Variants in DCC observed in about 807,000 individuals in gnomAD.
DCC encodes DCC netrin 1 receptor.
In DCC, 58 loss-of-function variants were observed where a neutral mutation model predicts 172.5. The observed-to-expected ratio is 0.34, with a 90% CI of 0.27 to 0.42. The LOEUF is 0.42. Ranked by LOEUF, DCC falls within the 10% of genes least tolerant of loss-of-function variation. The pLI, the probability that DCC is intolerant of heterozygous loss-of-function variation, is 1.00. For synonymous variants in DCC, 709 were observed against 644.5 expected, an observed-to-expected ratio of 1.10 and a Z score of -1.52; for missense variants, 1,740 against 1,791.0, an observed-to-expected ratio of 0.97 and a Z score of 0.51.
chr18:53,460,448 C>T (rs1363614077), intron 24 of DCC, among the ~76,000 whole-genome samples: 2 of 98,810 alleles, frequency 2.0e-5, no homozygotes, highest in Non-Finnish European at 3.8e-5. Context: ...CACCCCACAA[C>T]AGTCCCCAGA....
At position 53,145,105 on chromosome 18, in the gene DCC, C is replaced by CTTTTTTT. The variant is rs57501246; in HGVS notation, c.1262-12230_1262-12224dup. On this transcript the variant is annotated intron_variant, in intron 7 of 28. Coordinates refer to ENST00000442544, the MANE Select transcript of DCC (RefSeq NM_005215.4). ...AGGTGATTAAGCTGTGAGGGCTCTG[C>CTTTTTTT]TTTTTTTTTTTTTTTTTTTTTTTTT... 4.6e-4 allele frequency among the ~76,000 whole-genome samples: 17 copies of CTTTTTTT among 36,924 alleles called. 6 individuals carry two copies. Among genetic ancestry groups the CTTTTTTT allele is most frequent in the East Asian group, 2.3e-3 (2 of 868 alleles). The allele number at this position is 36,924 out of a possible 152,430, so 24.2% of individuals were successfully genotyped here.
chr18:53,091,413 T>TAC (rs888199178), intron 7 of DCC, among the ~76,000 whole-genome samples: 45 of 148,748 alleles, frequency 3.0e-4, no homozygotes, highest in African/African-American at 8.8e-4. Context: ...TATGTATATA[T>TAC]ACACACACAC....
intron 1 of DCC, among the ~76,000 whole-genome samples, chr18:52,455,809 G>C (rs566288301): frequency 2.0e-5 from 3 of 152,284 alleles, no homozygotes; most frequent in Admixed American, 1.3e-4. Context: ...AACAGTGCTT[G>C]GTGCATGGTA....
intron 2 of DCC, among the ~76,000 whole-genome samples, chr18:52,900,718 T>G (rs1022903687): frequency 6.6e-6 from 1 of 152,204 alleles, no homozygotes; most frequent in Non-Finnish European, 1.5e-5. Flanking sequence ...ATACAGATAA[T>G]GTGGAAATCT....
At chr18:53,478,934 C>T (rs1392197263) in intron 25 of DCC, among the ~76,000 whole-genome samples, 1 of 152,198 alleles carries the variant, frequency 6.6e-6, no homozygotes, top group East Asian at 1.9e-4. Flanking sequence ...CCCTTTGACT[C>T]ATGCATATAA....
chr18:52,612,378 G>A (rs570436406), intron 1 of DCC, among the ~76,000 whole-genome samples: 1 of 151,734 alleles, frequency 6.6e-6, no homozygotes, highest in Admixed American at 6.6e-5. Flanking sequence ...TTATCATTTT[G>A]TGGTCATCAC....
At chr18:53,234,381 T>C (rs1410575500) in intron 12 of DCC, among the ~76,000 whole-genome samples, 2 of 152,100 alleles carry the variant, frequency 1.3e-5, no homozygotes, top group Non-Finnish European at 2.9e-5. Context: ...GTGCGTAAGA[T>C]CACACCACTG....
intron 3 of DCC, among the ~76,000 whole-genome samples, chr18:52,920,613 G>A (rs1444033703): frequency 2.0e-5 from 3 of 152,058 alleles, no homozygotes; most frequent in South Asian, 2.1e-4. Context: ...CCACTTCAGA[G>A]GACAGTTTGG....
At chr18:53,373,537 G>A (rs201605712) in intron 15 of DCC, among the ~76,000 whole-genome samples, 2 of 152,162 alleles carry the variant, frequency 1.3e-5, no homozygotes, top group Middle Eastern at 3.4e-3. Context: ...TTCTTTACCA[G>A]TTGTTTATTT....
At chr18:52,629,886 C>T (rs2144877341) in intron 1 of DCC, among the ~76,000 whole-genome samples, 1 of 137,172 alleles carries the variant, frequency 7.3e-6, no homozygotes, top group Non-Finnish European at 1.5e-5. Flanking sequence ...GGAGGCGGAG[C>T]TTGCAGTGAG....
intron 2 of DCC, among the ~76,000 whole-genome samples, chr18:52,767,491 T>G (rs1357829966): frequency 6.6e-6 from 1 of 152,344 alleles, no homozygotes; most frequent in East Asian, 1.9e-4. Flanking sequence ...AAGAGACTCA[T>G]GCTTATTATG....
At chr18:53,264,903 T>C (rs1312216942) in intron 12 of DCC, among the ~76,000 whole-genome samples, 1 of 152,156 alleles carries the variant, frequency 6.6e-6, no homozygotes, top group Non-Finnish European at 1.5e-5. Flanking sequence ...AAACACTGTG[T>C]AATATTTGAA....
chr18:53,390,500 G>A (rs1908479356), intron 16 of DCC, among the ~76,000 whole-genome samples: 1 of 151,970 alleles, frequency 6.6e-6, no homozygotes, highest in Non-Finnish European at 1.5e-5. Context: ...CATATTAGTA[G>A]GTCTCATCTC....
Position 52,925,349 on chromosome 18 carries a change from T to C in DCC, c.964T>C (p.Ser322Pro). 2 of 1,612,484 alleles carry C rather than the reference T, an allele frequency of 1.2e-6. No individual in the cohort carries two copies. Among genetic ancestry groups the C allele is most frequent in the Non-Finnish European group, 1.7e-6 (2 of 1,178,772 alleles). The stretch of plus-strand genomic sequence containing the variant: ...ATATAAAAATGAGAATATTAGTGCC[T>C]CTGCAGAGCTCACAGTCTTGGGTAA... ...VTYKNENISA[S>P]AELTVLVPPW... The change falls in exon 5 of 29, where the codon TCT becomes CCT. Residue 322 changes from serine to proline, a missense_variant. By Grantham distance (74) the Ser-to-Pro change is moderately conservative. Coordinates refer to ENST00000442544, the MANE Select transcript of DCC (RefSeq NM_005215.4).
At chr18:53,127,324 T>C (rs768475372) in intron 7 of DCC, among the ~76,000 whole-genome samples, 10 of 152,008 alleles carry the variant, frequency 6.6e-5, no homozygotes, top group Non-Finnish European at 1.0e-4. Flanking sequence ...TAATTCTTAA[T>C]GGTCATCAGG....
At chr18:52,575,576 T>C (rs192618163) in intron 1 of DCC, among the ~76,000 whole-genome samples, 1 of 152,284 alleles carries the variant, frequency 6.6e-6, no homozygotes. Context: ...TACCATTCTT[T>C]GACTATTTGA....
At chr18:52,498,481 G>A (rs1459531155) in intron 1 of DCC, among the ~76,000 whole-genome samples, 3 of 151,870 alleles carry the variant, frequency 2.0e-5, no homozygotes, top group South Asian at 2.1e-4. Flanking sequence ...AAAATTAGCC[G>A]TGCATGGTGG....
At chr18:53,352,141 A>G (rs2057819898) in intron 15 of DCC, among the ~76,000 whole-genome samples, 2 of 152,116 alleles carry the variant, frequency 1.3e-5, no homozygotes, top group African/African-American at 4.8e-5. Flanking sequence ...TATTTTAGCA[A>G]AATTAAATAT....
At chr18:52,648,509 G>A (rs1402733213) in intron 1 of DCC, among the ~76,000 whole-genome samples, 2 of 152,184 alleles carry the variant, frequency 1.3e-5, no homozygotes, top group African/African-American at 2.4e-5. Context: ...CATTCTGTAG[G>A]ACTTCAATGC....
Sources: gnomAD v4.1 joint callset for allele counts (sites outside exome capture counted in the v4.1 genomes callset) on GRCh38, gnomAD v4.1.1 for gene constraint, MANE v1.5 for transcripts, NCBI Gene and HGNC (gene_info 2026-07-23, HGNC 2026-07-21) for gene names.